The following NEK11 variants were observed in gnomAD, a reference collection of about 807,000 sequenced individuals.
NEK11 encodes the protein NIMA related kinase 11.
In NEK11, 72 loss-of-function variants were observed where a neutral mutation model predicts 80.7. That is an observed-to-expected ratio of 0.89 (90% CI 0.74 to 1.08). The LOEUF is 1.08. Among genes scored for constraint, NEK11 ranks in the 50% least tolerant of loss-of-function variants. The pLI is 0.00. For synonymous variants in NEK11, 251 were observed against 260.7 expected (o/e 0.96, Z 0.36); for missense variants, 764 against 763.6 (o/e 1.00, Z -0.01).
chr3:131,257,696 T>C (rs1373494199), intron 16 of NEK11, among the ~76,000 whole-genome samples: 5 of 152,180 alleles, frequency 3.3e-5, no homozygotes, highest in Admixed American at 6.6e-5. Flanking sequence ...ATTCACATTC[T>C]AATGAAAAGT....
chr3:131,324,766 T>A (rs1294405300), intron 17 of NEK11, among the ~76,000 whole-genome samples: 1 of 152,162 alleles, frequency 6.6e-6, no homozygotes, highest in African/African-American at 2.4e-5. Flanking sequence ...AGGTATCTGC[T>A]TCCCCCGATA....
chr3:131,206,414 T>A (rs2094441749), intron 14 of NEK11, among the ~76,000 whole-genome samples: 1 of 152,208 alleles, frequency 6.6e-6, no homozygotes, highest in African/African-American at 2.4e-5. Flanking sequence ...CTTTAACATT[T>A]AAAAAATTTA....
intron 17 of NEK11, among the ~76,000 whole-genome samples, chr3:131,322,288 A>G (rs2109764637): frequency 6.6e-6 from 1 of 152,152 alleles, no homozygotes; most frequent in African/African-American, 2.4e-5. Context: ...GAAGACCACT[A>G]GAGGAGGGAG....
At chr3:131,191,005 T>C (rs1277972720) in intron 14 of NEK11, among the ~76,000 whole-genome samples, 2 of 152,180 alleles carry the variant, frequency 1.3e-5, no homozygotes, top group Non-Finnish European at 2.9e-5. Context: ...ATACAATGAC[T>C]GCAGCCTCTT....
In NEK11 at chr3:131,329,859, G is replaced by A. The variant is rs192084545; in HGVS notation, c.1719-19698G>A. ...TGGAGGGAGTGAGGGGAGGAAGGTA[G>A]GCAATCTGGAGAGATATGATTGGAT... On this transcript the variant is annotated intron_variant, in intron 17 of 17. Transcript: ENST00000383366. The A allele has an allele frequency of 2.7e-3, 414 of 152,572 alleles. 1 individual carries two copies. Among genetic ancestry groups the A allele is most frequent in the Non-Finnish European group, 4.4e-3 (297 of 68,256 alleles). 9.5% of individuals were successfully genotyped at this position (152,572 alleles called of 1,614,324 possible). A position where few individuals can be genotyped will look rare whatever the true frequency, so the allele number is the denominator to read the frequency against.
At chr3:131,083,476 G>A (rs1165066685) in intron 4 of NEK11, among the ~76,000 whole-genome samples, 2 of 152,210 alleles carry the variant, frequency 1.3e-5, no homozygotes, top group Non-Finnish European at 2.9e-5. Context: ...AGATTGCTCC[G>A]TTCTTGTTAA....
intron 4 of NEK11, among the ~76,000 whole-genome samples, chr3:131,105,842 C>T (rs1003137176): frequency 4.5e-4 from 69 of 152,252 alleles, no homozygotes; most frequent in African/African-American, 1.5e-3. Context: ...CAGTTTTTTT[C>T]CCCAAATAGT....
chr3:131,335,661 AAAG>A (rs1289236206), intron 17 of NEK11, among the ~76,000 whole-genome samples: 1 of 152,178 alleles, frequency 6.6e-6, no homozygotes, highest in African/African-American at 2.4e-5. Context: ...TCAATTAGGA[AAAG>A]AAGAAGTCAA....
intron 17 of NEK11, among the ~76,000 whole-genome samples, chr3:131,309,849 C>T: frequency 6.6e-6 from 1 of 151,602 alleles, no homozygotes; most frequent in Non-Finnish European, 1.5e-5. Flanking sequence ...ATTAATCAAG[C>T]TTGGTGGCAC....
intron 17 of NEK11, among the ~76,000 whole-genome samples, chr3:131,297,356 A>G (rs1427527716): frequency 2.0e-5 from 3 of 152,172 alleles, no homozygotes; most frequent in Admixed American, 6.5e-5. Flanking sequence ...TTGCCATTCT[A>G]ACTGGTGTGA....
At chr3:131,330,918 G>C (rs946395148) in intron 17 of NEK11, 2 of 131,150 alleles carry the variant, frequency 1.5e-5, no homozygotes, top group Non-Finnish European at 3.2e-5. Context: ...GGGGAAAAGA[G>C]AGAAGGAAGG....
At position 131,228,578 on chromosome 3, in the gene NEK11, G is replaced by A; in HGVS notation, c.1450G>A (p.Asp484Asn). ...TGAAGAGTACTACGCTGATGCATTT[G>A]ATTCCTATTGTGAAGAGAGTGATGA... ...VAEEYYADAFDSYCEESDEEE... is the reference protein window; with the variant it reads ...VAEEYYADAFNSYCEESDEEE... Residue 484 changes from aspartate (D) to asparagine (N), a missense_variant, in exon 15 of 18, where the codon GAT (aspartate) becomes AAT (asparagine). Coordinates refer to ENST00000383366, the MANE Select transcript of NEK11 (RefSeq NM_024800.5). The A allele has an allele frequency of 1.2e-6, 2 of 1,613,562 alleles. No individual in the cohort carries two copies. Among genetic ancestry groups the A allele is most frequent in the African/African-American group, 1.3e-5 (1 of 75,022 alleles).
At chr3:131,338,352 G>A (rs2097228356) in intron 17 of NEK11, among the ~76,000 whole-genome samples, 2 of 148,442 alleles carry the variant, frequency 1.3e-5, no homozygotes, top group South Asian at 4.3e-4. Context: ...TGGTGGGAAT[G>A]CAAAATGGAA....
intron 4 of NEK11, among the ~76,000 whole-genome samples, chr3:131,089,747 C>T (rs2076473258): frequency 6.6e-6 from 1 of 152,064 alleles, no homozygotes; most frequent in Non-Finnish European, 1.5e-5. Flanking sequence ...TCTGCATTTA[C>T]TGAGTCAGAG....
intron 4 of NEK11, among the ~76,000 whole-genome samples, chr3:131,087,235 C>CTTTTTTTTTTTTTTTTTTTTTTTTTT (rs59630167): frequency 1.2e-5 from 1 of 81,204 alleles, no homozygotes; most frequent in Non-Finnish European, 2.3e-5. Context: ...TATGCAAATT[C>CTTTTTTTTTTTTTTTTTTTTTTTTTT]TTTTTTTTTT....
intron 17 of NEK11, among the ~76,000 whole-genome samples, chr3:131,311,249 T>C (rs1262128925): frequency 6.6e-6 from 1 of 152,208 alleles, no homozygotes; most frequent in Non-Finnish European, 1.5e-5. Flanking sequence ...ATCATTTCTA[T>C]GTGTTGGGAA....
intron 17 of NEK11, chr3:131,327,663 G>A (rs1050935217): frequency 8.6e-5 from 13 of 150,750 alleles, no homozygotes; most frequent in Admixed American, 2.0e-4. Flanking sequence ...TCTCAGAAAC[G>A]TTAGCAGCAG....
chr3:131,267,997 G>A (rs1363874088), intron 16 of NEK11, among the ~76,000 whole-genome samples: 2 of 151,690 alleles, frequency 1.3e-5, no homozygotes, highest in Non-Finnish European at 2.9e-5. Flanking sequence ...CTCTAATCTT[G>A]TCTTCATGCT....
intron 5 of NEK11, among the ~76,000 whole-genome samples, chr3:131,113,505 A>C (rs1169110962): frequency 2.0e-5 from 3 of 152,212 alleles, no homozygotes; most frequent in Non-Finnish European, 4.4e-5. Flanking sequence ...TGCAGAATGC[A>C]TGGTTGAACT....
Sources: allele counts gnomAD v4.1 joint callset (sites outside exome capture counted in the v4.1 genomes callset), GRCh38; gene constraint gnomAD v4.1.1; transcripts MANE v1.5; gene names NCBI Gene and HGNC (gene_info 2026-07-23, HGNC 2026-07-21).